MACROH2A2: variants seen among roughly 807,000 people sequenced by gnomAD.
MACROH2A2 encodes the protein core histone macro-H2A.2.
MACROH2A2 carries 6 observed loss-of-function variants against 37.6 expected under a neutral mutation model. The ratio of observed to expected loss-of-function variants is 0.16; its 90% CI spans 0.09 to 0.32. The LOEUF (loss-of-function observed/expected upper bound fraction) is 0.32. Among genes scored for constraint, MACROH2A2 ranks in the 10% least tolerant of loss-of-function variants. The pLI is 1.00. For missense variants in MACROH2A2, 290 were observed against 485.9 expected, an observed-to-expected ratio of 0.60 and a Z score of 3.79; for synonymous variants, 192 against 202.7, an observed-to-expected ratio of 0.95 and a Z score of 0.45.
At chr10:70,102,220 CAG>C (rs1457531177) in intron 7 of MACROH2A2, among the ~76,000 whole-genome samples, 1 of 152,200 alleles carries the variant, frequency 6.6e-6, no homozygotes, top group East Asian at 1.9e-4. Flanking sequence ...GGGTGGGACA[CAG>C]AGGGCAATAG....
chr10:70,083,182 G>A (rs1381091516), intron 2 of MACROH2A2, among the ~76,000 whole-genome samples: 1 of 152,136 alleles, frequency 6.6e-6, no homozygotes, highest in Non-Finnish European at 1.5e-5. Context: ...GGTCCCAGGT[G>A]GGGAGGCACC....
chr10:70,101,641 A>G (rs2072307612), intron 7 of MACROH2A2, among the ~76,000 whole-genome samples: 1 of 149,698 alleles, frequency 6.7e-6, no homozygotes, highest in Non-Finnish European at 1.5e-5. Context: ...CCCCCTAACC[A>G]TTAAGCAGTC....
intron 2 of MACROH2A2, among the ~76,000 whole-genome samples, chr10:70,089,090 C>T (rs1159598724): frequency 1.3e-5 from 2 of 152,078 alleles, no homozygotes; most frequent in African/African-American, 4.8e-5. Flanking sequence ...GGCAACAGAA[C>T]GAGCAAGACT....
At chr10:70,081,530 G>A (rs56317707) in intron 2 of MACROH2A2, among the ~76,000 whole-genome samples, 1 of 152,006 alleles carries the variant, frequency 6.6e-6, no homozygotes, top group African/African-American at 2.4e-5. Context: ...AGCGTGTGAC[G>A]CGTCAGAGGC....
Position 70,107,544 on chromosome 10 carries a change from G to A in MACROH2A2, c.779-1489G>A, listed in dbSNP as rs943412033. On this transcript the variant is annotated intron_variant, in intron 7 of 8. Transcript: ENST00000373255. This position sits in a 1 kb window ranked among gnomAD's most constrained non-coding sequence, Gnocchi z 4.4. ...AGCTGCAGCTGCCTCAGGCAGATCC[G>A]AGGGAACTGCTCCCCTGGGGAGTCC... 1.3e-5 allele frequency among the ~76,000 whole-genome samples: 2 copies of A among 152,206 alleles called. No homozygotes were observed. Among genetic ancestry groups the A allele is most frequent in the South Asian group, 2.1e-4 (1 of 4,830 alleles).
chr10:70,060,578 A>G (rs1274795352), intron 1 of MACROH2A2, among the ~76,000 whole-genome samples: 1 of 152,148 alleles, frequency 6.6e-6, no homozygotes, highest in Non-Finnish European at 1.5e-5. Context: ...ACACCAAGGC[A>G]TACAGTCCAC....
chr10:70,111,922 T>C lies in MACROH2A2; in HGVS notation c.*239T>C, dbSNP rs1031397563. 2 of 347,000 alleles carry C rather than the reference T, an allele frequency of 5.8e-6. No homozygotes were observed. The highest frequency in any genetic ancestry group is 4.7e-5 in the Admixed American group (1 of 21,122). The allele number at this position is 347,000 out of a possible 1,614,324, so 21.5% of individuals were successfully genotyped here. A position where few individuals can be genotyped will look rare whatever the true frequency, so the allele number is the denominator to read the frequency against. Reference sequence around the variant, plus strand: ...GTTTTCCTCCTGTTGTTTTAGAACTTTTTTAAAAAAACAGACCTCGTTTTA... The same window carrying C: ...GTTTTCCTCCTGTTGTTTTAGAACTCTTTTAAAAAAACAGACCTCGTTTTA... On this transcript the variant is annotated 3_prime_UTR_variant, in exon 9 of 9. Coordinates refer to ENST00000373255, the MANE Select transcript of MACROH2A2 (RefSeq NM_018649.3).
chr10:70,068,196 A>C (rs1237099379), intron 1 of MACROH2A2, among the ~76,000 whole-genome samples: 1 of 151,568 alleles, frequency 6.6e-6, no homozygotes, highest in African/African-American at 2.4e-5. Flanking sequence ...TATTTTCCTT[A>C]CTTTAGGGTA....
chr10:70,090,853 G>A (rs4746956), intron 3 of MACROH2A2, among the ~76,000 whole-genome samples: 56,159 of 152,122 alleles, frequency 0.37, 10,874 homozygotes, highest in African/African-American at 0.49. Context: ...CTAGATGCTT[G>A]CTATACTTCT....
In MACROH2A2 at chr10:70,052,882, T is replaced by G. The variant is rs978485094; in HGVS notation, c.-178T>G. ...GCTTGCCGCCATTGACACGCACAGA[T>G]AGAACCCAAAGAAAGGCAAAGAGTC... On this transcript the variant is annotated 5_prime_UTR_variant, in exon 1 of 9. Coordinates refer to ENST00000373255, the MANE Select transcript of MACROH2A2 (RefSeq NM_018649.3). 1 of 152,782 alleles carries G rather than the reference T, an allele frequency of 6.5e-6. No individual in the cohort carries two copies. The highest frequency in any genetic ancestry group is 6.5e-5 in the Admixed American group (1 of 15,282). 9.5% of individuals were successfully genotyped at this position (152,782 alleles called of 1,614,324 possible).
chr10:70,054,452 C>T (rs193139637), intron 1 of MACROH2A2, among the ~76,000 whole-genome samples: 2 of 152,284 alleles, frequency 1.3e-5, no homozygotes, highest in Admixed American at 1.3e-4. Flanking sequence ...CCCAGGATCC[C>T]CTAGGGGCCA....
chr10:70,054,598 A>C (rs1267777170), intron 1 of MACROH2A2, among the ~76,000 whole-genome samples: 1 of 152,242 alleles, frequency 6.6e-6, no homozygotes, highest in Non-Finnish European at 1.5e-5. Context: ...CATTATTAAG[A>C]GCGAGAACGT....
intron 2 of MACROH2A2, among the ~76,000 whole-genome samples, chr10:70,083,395 C>G (rs1042041491): frequency 2.0e-5 from 3 of 152,190 alleles, no homozygotes; most frequent in South Asian, 2.1e-4. Context: ...TCTTCACCCC[C>G]ACATGAACTG....
chr10:70,077,688 G>A (rs71480632), intron 2 of MACROH2A2, among the ~76,000 whole-genome samples: 1,592 of 152,150 alleles, frequency 0.01, 10 homozygotes, highest in South Asian at 0.023. Context: ...TAGCTAACAC[G>A]GTGAAACCCC....
chr10:70,102,323 C>T (rs1433493800), intron 7 of MACROH2A2, among the ~76,000 whole-genome samples: 2 of 152,196 alleles, frequency 1.3e-5, no homozygotes, highest in Non-Finnish European at 2.9e-5. Context: ...CAAGATGAGT[C>T]TGGGCCTGTG....
At position 70,111,805 on chromosome 10, in the gene MACROH2A2, C is replaced by T. The variant is rs969894003; in HGVS notation, c.*122C>T. 2.0e-5 allele frequency: 15 copies of T among 767,194 alleles called. 1 individual carries two copies. Among genetic ancestry groups the T allele is most frequent in the South Asian group, 9.3e-5 (4 of 43,242 alleles). The allele number at this position is 767,194 out of a possible 1,614,324, so 47.5% of individuals were successfully genotyped here. ...TGGAGGGTGGCCGGGCAGGTCCTGCCGGCGCAGGGAGCCCTCTGCCCTTCA... is the reference window on the plus strand; with the variant it reads ...TGGAGGGTGGCCGGGCAGGTCCTGCTGGCGCAGGGAGCCCTCTGCCCTTCA... On this transcript the variant is annotated 3_prime_UTR_variant, in exon 9 of 9. Transcript: ENST00000373255.
At chr10:70,083,462 G>A (rs1372228388) in intron 2 of MACROH2A2, among the ~76,000 whole-genome samples, 2 of 152,128 alleles carry the variant, frequency 1.3e-5, no homozygotes, top group East Asian at 3.9e-4. Context: ...GCTTCCCCTG[G>A]CCAGTCTACT....
chr10:70,061,348 C>A (rs1414878261), intron 1 of MACROH2A2, among the ~76,000 whole-genome samples: 1 of 152,198 alleles, frequency 6.6e-6, no homozygotes, highest in Non-Finnish European at 1.5e-5. Context: ...ATTGCTAACT[C>A]AGATTCAAAG....
intron 7 of MACROH2A2, among the ~76,000 whole-genome samples, chr10:70,101,041 C>T (rs111500600): frequency 0.02 from 3,096 of 152,280 alleles, 47 homozygotes; most frequent in Non-Finnish European, 0.03. Context: ...TTGGGTTGAT[C>T]GGACTCAACA....
Sources: allele counts gnomAD v4.1 joint callset (sites outside exome capture counted in the v4.1 genomes callset), GRCh38; gene constraint gnomAD v4.1.1; non-coding constraint Gnocchi (gnomAD v3.1); transcripts MANE v1.5; gene names NCBI Gene and HGNC (gene_info 2026-07-23, HGNC 2026-07-21).